Variants in FBXO4 observed in about 807,000 individuals in gnomAD.
FBXO4 encodes the protein F-box only protein 4.
In FBXO4, 36 loss-of-function variants were observed where a neutral mutation model predicts 43.7. The ratio of observed to expected loss-of-function variants is 0.82; its 90% CI spans 0.63 to 1.09. The LOEUF (loss-of-function observed/expected upper bound fraction) is 1.09, where lower values mean the gene tolerates loss of function less well. Ranked by LOEUF, FBXO4 falls within the 50% of genes least tolerant of loss-of-function variation. The probability of loss-of-function intolerance (pLI) is 0.00; values close to 1 mark genes in which losing one functional copy is unlikely to be tolerated. For missense variants in FBXO4, 435 were observed against 474.1 expected (o/e 0.92, Z 0.77); for synonymous variants, 180 against 165.6 (o/e 1.09, Z -0.67).
At chr5:41,935,738 C>A (rs781488389) in intron 5 of FBXO4, among the ~76,000 whole-genome samples, 15 of 152,216 alleles carry the variant, frequency 9.9e-5, no homozygotes, top group Non-Finnish European at 2.2e-4. Context: ...ATCTCCATGT[C>A]CCTACCAATT....
chr5:41,925,473 C>G lies in FBXO4; in HGVS notation c.164C>G (p.Ala55Gly). 7.6e-7 allele frequency: 1 copy of G among 1,324,198 alleles called. No individual in the cohort carries two copies. Among genetic ancestry groups the G allele is most frequent in the Non-Finnish European group, 9.7e-7 (1 of 1,029,302 alleles). 82.0% of individuals were successfully genotyped at this position (1,324,198 alleles called of 1,614,324 possible). A position where few individuals can be genotyped will look rare whatever the true frequency, so the allele number is the denominator to read the frequency against. Residue 55 changes from alanine (A) to glycine (G), a missense_variant, in exon 1 of 7, where the codon GCG becomes GGG. By Grantham distance (60) the Ala-to-Gly change is moderately conservative. Coordinates refer to ENST00000281623, the MANE Select transcript of FBXO4 (RefSeq NM_012176.3). Reference sequence around the variant, plus strand: ...ACCTCACGGGAGGAGGTGGATGAGGCGGCCAGCACCCTGACGCGGCTGCCG... The same window carrying G: ...ACCTCACGGGAGGAGGTGGATGAGGGGGCCAGCACCCTGACGCGGCTGCCG... ...RTTSREEVDE[A>G]ASTLTRLPID... is the part of the protein sequence containing the mutation.
At chr5:42,005,675 C>G in the FBXO4 span, among the ~76,000 whole-genome samples, 1 of 152,092 alleles carries the variant, frequency 6.6e-6, no homozygotes, top group African/African-American at 2.4e-5. Context: ...AGGGTTTCCT[C>G]CATGCTTTAT....
the FBXO4 span, among the ~76,000 whole-genome samples, chr5:42,030,112 A>G: frequency 6.6e-6 from 1 of 152,142 alleles, no homozygotes; most frequent in African/African-American, 2.4e-5. Context: ...AATACTTTAA[A>G]GTTCATATGG....
At chr5:41,938,425 G>A (rs1751907526) in intron 5 of FBXO4, among the ~76,000 whole-genome samples, 1 of 152,018 alleles carries the variant, frequency 6.6e-6, no homozygotes, top group South Asian at 2.1e-4. Flanking sequence ...AAAGAAGGTA[G>A]GCAAAGAGAG....
chr5:41,937,225 A>G (rs1028427117), intron 5 of FBXO4, among the ~76,000 whole-genome samples: 4 of 152,192 alleles, frequency 2.6e-5, no homozygotes, highest in Non-Finnish European at 5.9e-5. Flanking sequence ...TAGGCACATC[A>G]TAGTCAAACT....
At chr5:41,949,530 G>T in the FBXO4 span, among the ~76,000 whole-genome samples, 1 of 152,104 alleles carries the variant, frequency 6.6e-6, no homozygotes, top group Non-Finnish European at 1.5e-5. Flanking sequence ...CCTCTTCAAG[G>T]AGAACTACAA....
the FBXO4 span, among the ~76,000 whole-genome samples, chr5:41,962,966 G>A: frequency 1.3e-5 from 2 of 152,108 alleles, no homozygotes; most frequent in African/African-American, 4.8e-5. Context: ...TCCAAAGAGA[G>A]GTGTGTAACT....
chr5:42,022,290 T>C, the FBXO4 span, among the ~76,000 whole-genome samples: 1 of 152,184 alleles, frequency 6.6e-6, no homozygotes, highest in Non-Finnish European at 1.5e-5. Context: ...TGCCAATTCA[T>C]ATGCACTGAA....
chr5:41,925,458 AG>A lies in FBXO4; in HGVS notation c.151del (p.Glu51ArgfsTer9). 2 of 1,342,258 alleles carry A rather than the reference AG, an allele frequency of 1.5e-6. No homozygotes were observed. Among genetic ancestry groups the A allele is most frequent in the Non-Finnish European group, 1.9e-6 (2 of 1,039,656 alleles). The allele number at this position is 1,342,258 out of a possible 1,614,324, so 83.1% of individuals were successfully genotyped here. A position where few individuals can be genotyped will look rare whatever the true frequency, so the allele number is the denominator to read the frequency against. On this transcript the variant is annotated frameshift_variant, in exon 1 of 7. Transcript: ENST00000281623. LOFTEE classifies it high-confidence loss of function. ...KERVARTTSR[E>X]EVDEAASTLT... ...AGGGTGGCGCGTACGACCTCACGGG[AG>A]GAGGTGGATGAGGCGGCCAGCACCC...
At chr5:41,997,792 C>G in the FBXO4 span, among the ~76,000 whole-genome samples, 2 of 152,134 alleles carry the variant, frequency 1.3e-5, no homozygotes, top group Non-Finnish European at 2.9e-5. Flanking sequence ...TGGTAAAAGG[C>G]TGGGAGGTCT....
At chr5:41,965,040 C>A in the FBXO4 span, among the ~76,000 whole-genome samples, 1 of 152,028 alleles carries the variant, frequency 6.6e-6, no homozygotes, top group Admixed American at 6.6e-5. Context: ...GTTTTTTATC[C>A]ATCTTGAATT....
the FBXO4 span, among the ~76,000 whole-genome samples, chr5:41,960,868 T>C: frequency 6.6e-6 from 1 of 152,206 alleles, no homozygotes; most frequent in African/African-American, 2.4e-5. Flanking sequence ...ATAATAATTT[T>C]GAATTATTTA....
At chr5:41,934,643 T>G (rs779437719) in intron 5 of FBXO4, 79 of 1,123,030 alleles carry the variant, frequency 7.0e-5, no homozygotes, top group Admixed American at 1.3e-4. Flanking sequence ...ATACAATATT[T>G]TTTTGCTTTA....
chr5:41,983,441 C>T, the FBXO4 span, among the ~76,000 whole-genome samples: 244 of 151,028 alleles, frequency 1.6e-3, 1 homozygote, highest in African/African-American at 5.3e-3. Flanking sequence ...TTTCTGTCAA[C>T]TTTAGCATTT....
At chr5:41,938,776 C>T (rs949745022) in intron 5 of FBXO4, among the ~76,000 whole-genome samples, 1 of 152,120 alleles carries the variant, frequency 6.6e-6, no homozygotes, top group South Asian at 2.1e-4. Context: ...TAGGACTGAC[C>T]TTCCTGTTTT....
At chr5:42,017,041 C>T in the FBXO4 span, among the ~76,000 whole-genome samples, 1 of 151,874 alleles carries the variant, frequency 6.6e-6, no homozygotes, top group Non-Finnish European at 1.5e-5. Context: ...ACATTCTAGG[C>T]AATTTCAAGA....
At chr5:42,038,899 G>T in the FBXO4 span, among the ~76,000 whole-genome samples, 1 of 151,944 alleles carries the variant, frequency 6.6e-6, no homozygotes, top group Non-Finnish European at 1.5e-5. Flanking sequence ...TTCACTTAAC[G>T]TGATGTCTTC....
At chr5:42,017,535 C>T in the FBXO4 span, among the ~76,000 whole-genome samples, 18 of 151,712 alleles carry the variant, frequency 1.2e-4, no homozygotes, top group Admixed American at 2.6e-4. Context: ...ATGAATTATC[C>T]TGTTACTTAG....
At chr5:41,943,935 C>T (rs1177885097), downstream of FBXO4, among the ~76,000 whole-genome samples, 1 of 152,090 alleles carries the variant, frequency 6.6e-6, no homozygotes, top group Non-Finnish European at 1.5e-5. Flanking sequence ...AGACAAAAGA[C>T]CACATGAGGA....
Sources: allele counts gnomAD v4.1 joint callset (sites outside exome capture counted in the v4.1 genomes callset), GRCh38; gene constraint gnomAD v4.1.1; transcripts MANE v1.5; gene names NCBI Gene and HGNC (gene_info 2026-07-23, HGNC 2026-07-21).